TTC12: variants seen among roughly 807,000 people sequenced by gnomAD.
TTC12 encodes tetratricopeptide repeat domain 12, also known as tetratricopeptide repeat protein 12.
In TTC12, 70 loss-of-function variants were observed where a neutral mutation model predicts 90.1. That is an observed-to-expected ratio of 0.78 (90% CI 0.64 to 0.95). TTC12 has a LOEUF of 0.95. TTC12 is among the 40% of genes least tolerant of loss of function. The pLI is 0.00. For synonymous variants in TTC12, 296 were observed against 311.5 expected, an observed-to-expected ratio of 0.95 and a Z score of 0.53; for missense variants, 819 against 846.1, an observed-to-expected ratio of 0.97 and a Z score of 0.40.
intron 18 of TTC12, among the ~76,000 whole-genome samples, chr11:113,360,357 C>CA (rs1555154402): frequency 6.6e-6 from 1 of 151,472 alleles, no homozygotes; most frequent in African/African-American, 2.4e-5. Flanking sequence ...ATATCCTGTG[C>CA]AAATTGGACA....
intron 2 of TTC12, among the ~76,000 whole-genome samples, chr11:113,319,263 A>G (rs1947140690): frequency 6.6e-6 from 1 of 152,222 alleles, no homozygotes; most frequent in African/African-American, 2.4e-5. Context: ...AACTCATAGA[A>G]TGTCAAGGTC....
intron 16 of TTC12, among the ~76,000 whole-genome samples, chr11:113,357,984 G>C (rs1179896818): frequency 1.3e-5 from 2 of 152,214 alleles, no homozygotes; most frequent in Non-Finnish European, 2.9e-5. Flanking sequence ...GCGGGTGTTT[G>C]CCACAATGGC....
chr11:113,362,371 AT>A, intron 18 of TTC12, 29 bp from the exon 19 acceptor site: 1 of 1,533,908 alleles, frequency 6.5e-7, no homozygotes, highest in Non-Finnish European at 9.0e-7. Context: ...TGAAAAGGAC[AT>A]TTAATTATCC....
chr11:113,351,657 G>C (rs1429176893), intron 15 of TTC12, among the ~76,000 whole-genome samples: 2 of 152,216 alleles, frequency 1.3e-5, no homozygotes, highest in Non-Finnish European at 2.9e-5. Context: ...AGCAATTTGA[G>C]CTGATAAGGC....
At chr11:113,360,966 T>TC (rs1267026885) in intron 18 of TTC12, among the ~76,000 whole-genome samples, 6 of 152,228 alleles carry the variant, frequency 3.9e-5, no homozygotes, top group Non-Finnish European at 4.4e-5. Context: ...CACCACCGTT[T>TC]CCGGATGGTC....
Position 113,339,470 on chromosome 11 carries a change from T to A in TTC12, c.822T>A (p.Asn274Lys). Residue 274 changes from asparagine to lysine, a missense_variant, in exon 10 of 22, where the codon AAT becomes AAA. Transcript: ENST00000529221. ...TTGAGATCCTGACTGAAATGATAAA[T>A]GAGTGTAAGCCAGAGATGTGTGTGA... ...GGIEILTEMI[N>K]ECTEQTLFRM... is the part of the protein sequence containing the mutation. 6.2e-7 allele frequency: 1 copy of A among 1,610,824 alleles called. No individual in the cohort carries two copies. Among genetic ancestry groups the A allele is most frequent in the Non-Finnish European group, 8.5e-7 (1 of 1,179,010 alleles).
chr11:113,364,302 C>T (rs1470249482), intron 20 of TTC12: 1 of 223,456 alleles, frequency 4.5e-6, no homozygotes, highest in Non-Finnish European at 8.9e-6. Context: ...AGTCCAGTAA[C>T]TTAAACCGGC....
intron 13 of TTC12, among the ~76,000 whole-genome samples, chr11:113,346,972 A>G (rs1949005147): frequency 6.6e-6 from 1 of 152,120 alleles, no homozygotes; most frequent in African/African-American, 2.4e-5. Context: ...GCCACCAAAA[A>G]AGAGGGTATG....
chr11:113,332,691 C>T (rs1264397336), intron 7 of TTC12, among the ~76,000 whole-genome samples: 1 of 152,196 alleles, frequency 6.6e-6, no homozygotes, highest in Non-Finnish European at 1.5e-5. Context: ...CTTCCCCAGT[C>T]TCCCCTTCCC....
chr11:113,347,754 AG>A (rs1273649961), intron 13 of TTC12, among the ~76,000 whole-genome samples: 1 of 152,172 alleles, frequency 6.6e-6, no homozygotes, highest in East Asian at 1.9e-4. Context: ...TCCTAGAATA[AG>A]TGGCTAAATA....
chr11:113,371,281 A>G (rs1950379553), downstream of TTC12, among the ~76,000 whole-genome samples: 1 of 152,260 alleles, frequency 6.6e-6, no homozygotes, highest in South Asian at 2.1e-4. Context: ...ACATTCTCAT[A>G]TACTTTAAAT....
downstream of TTC12, among the ~76,000 whole-genome samples, chr11:113,367,175 C>A (rs1011419030): frequency 1.3e-5 from 2 of 152,304 alleles, no homozygotes; most frequent in East Asian, 1.9e-4. Flanking sequence ...TGGCTCCTTA[C>A]AATCACAGAA....
At chr11:113,341,111 TC>T (rs1948655789) in intron 11 of TTC12, among the ~76,000 whole-genome samples, 1 of 152,074 alleles carries the variant, frequency 6.6e-6, no homozygotes, top group Admixed American at 6.5e-5. Flanking sequence ...GCACCTGTAA[TC>T]CCAGCTGCTC....
chr11:113,343,313 T>C (rs1948780695), intron 12 of TTC12, among the ~76,000 whole-genome samples: 1 of 152,236 alleles, frequency 6.6e-6, no homozygotes, highest in African/African-American at 2.4e-5. Flanking sequence ...CAAGGTACTT[T>C]TCTAGTATAA....
intron 8 of TTC12, among the ~76,000 whole-genome samples, chr11:113,337,355 A>C (rs1380876409): frequency 2.0e-5 from 3 of 152,246 alleles, no homozygotes; most frequent in Non-Finnish European, 4.4e-5. Flanking sequence ...TACATGTACT[A>C]TGTTAGGTAG....
chr11:113,323,910 T>G, intron 3 of TTC12, 84 bp from the exon 4 acceptor site: 1 of 1,066,594 alleles, frequency 9.4e-7, no homozygotes, highest in Non-Finnish European at 1.4e-6. Flanking sequence ...TTGTAATTGA[T>G]TTGCCTTCTT....
Position 113,373,176 on chromosome 11 carries a change from A to G in TTC12, c.*173A>G, listed in dbSNP as rs372675104. 6.6e-4 allele frequency: 646 copies of G among 985,378 alleles called. 12 individuals are homozygous for G. In the South Asian group the frequency reaches 0.027, roughly 41 times the overall value. The allele number at this position is 985,378 out of a possible 1,614,324, so 61.0% of individuals were successfully genotyped here. A position where few individuals can be genotyped will look rare whatever the true frequency, so the allele number is the denominator to read the frequency against. ...AAGCAACTGGTCCAAGATCTAGACCAGGTACTCAACCACCCCACTCCACAT... is the reference window on the plus strand; with the variant it reads ...AAGCAACTGGTCCAAGATCTAGACCGGGTACTCAACCACCCCACTCCACAT... On this transcript the variant is annotated 3_prime_UTR_variant, in exon 22 of 22. Transcript: ENST00000314756.
intron 11 of TTC12, among the ~76,000 whole-genome samples, chr11:113,341,498 G>C (rs937792593): frequency 6.6e-6 from 1 of 152,158 alleles, no homozygotes; most frequent in South Asian, 2.1e-4. Flanking sequence ...CATTTCAGTT[G>C]TTCTGGTGTG....
chr11:113,337,744 G>A, intron 8 of TTC12, among the ~76,000 whole-genome samples: 1 of 152,148 alleles, frequency 6.6e-6, no homozygotes, highest in East Asian at 1.9e-4. Context: ...GTTTTGGCAT[G>A]GTAAGATAAG....
Sources: gnomAD v4.1 joint callset for allele counts (sites outside exome capture counted in the v4.1 genomes callset) on GRCh38, gnomAD v4.1.1 for gene constraint, MANE v1.5 for transcripts, NCBI Gene and HGNC (gene_info 2026-07-23, HGNC 2026-07-21) for gene names.